The following DNAJB13 variants were observed in gnomAD, a reference collection of about 807,000 sequenced individuals.
The protein encoded by DNAJB13 is dnaJ homolog subfamily B member 13.
Under a neutral mutation model 35.6 loss-of-function variants are expected in DNAJB13, and 22 were observed. That is an observed-to-expected ratio of 0.62 (90% CI 0.44 to 0.88). The LOEUF (loss-of-function observed/expected upper bound fraction) is 0.88. Among genes scored for constraint, DNAJB13 ranks in the 40% least tolerant of loss-of-function variants. DNAJB13 has a pLI of 0.00. For missense variants in DNAJB13, 370 were observed against 384.3 expected (o/e 0.96, Z 0.31); for synonymous variants, 136 against 144.2 (o/e 0.94, Z 0.41).
At chr11:73,964,658 G>A (rs993813462) in intron 3 of DNAJB13, 5 of 563,098 alleles carry the variant, frequency 8.9e-6, no homozygotes, top group Non-Finnish European at 1.6e-5. Flanking sequence ...CACTGCATCT[G>A]CAGTTGAAGA....
chr11:73,953,910 C>G (rs1240888126), intron 1 of DNAJB13, among the ~76,000 whole-genome samples: 1 of 151,044 alleles, frequency 6.6e-6, no homozygotes, highest in Non-Finnish European at 1.5e-5. Context: ...ATGGCGTGAA[C>G]CCGGGAGGTG....
chr11:73,965,819 G>A (rs988899906), intron 4 of DNAJB13: 1 of 312,830 alleles, frequency 3.2e-6, no homozygotes, highest in Non-Finnish European at 6.1e-6. Context: ...CAGGGCTGGA[G>A]CTGTGTGTTT....
At chr11:73,955,307 CTT>C (rs570240877) in intron 1 of DNAJB13, among the ~76,000 whole-genome samples, 15,810 of 134,576 alleles carry the variant, frequency 0.12, 721 homozygotes, top group East Asian at 0.17. Context: ...AACCTTGTTA[CTT>C]TTTTTTTTTT....
At chr11:73,953,820 A>G (rs899325492) in intron 1 of DNAJB13, among the ~76,000 whole-genome samples, 4 of 151,650 alleles carry the variant, frequency 2.6e-5, no homozygotes, top group Non-Finnish European at 5.9e-5. Context: ...TAACACACTG[A>G]AACCCCGTCT....
At chr11:73,961,271 C>A (rs1287591564) in intron 3 of DNAJB13, among the ~76,000 whole-genome samples, 2 of 152,028 alleles carry the variant, frequency 1.3e-5, no homozygotes, top group Non-Finnish European at 2.9e-5. Context: ...CAGATTGAGA[C>A]CTTGTCTCAA....
rs1014946621 is a variant in DNAJB13 at position 73,960,778 on chromosome 11, AT to A, written c.334+1133del. ...AAATAGGGCCAAATTTTACACAATG[AT>A]TTTTTTTTTCACTTAATATATCTTG... On this transcript the variant is annotated intron_variant, in intron 3 of 7. Coordinates refer to ENST00000339764, the MANE Select transcript of DNAJB13 (RefSeq NM_153614.4). 4.3e-3 allele frequency among the ~76,000 whole-genome samples: 645 copies of A among 150,420 alleles called. 3 individuals carry two copies. Among genetic ancestry groups the A allele is most frequent in the African/African-American group, 0.011 (471 of 40,996 alleles).
intron 3 of DNAJB13, among the ~76,000 whole-genome samples, chr11:73,961,277 C>G (rs1950925665): frequency 6.6e-6 from 1 of 151,920 alleles, no homozygotes; most frequent in African/African-American, 2.4e-5. Flanking sequence ...GAGACCTTGT[C>G]TCAAAAAAAT....
chr11:73,959,757 T>C (rs1950874950), intron 3 of DNAJB13, 102 bp downstream of exon 3: 17 of 1,162,874 alleles, frequency 1.5e-5, no homozygotes, highest in Non-Finnish European at 1.8e-5. Context: ...TTTATTATTT[T>C]ATTTTATTTA....
intron 5 of DNAJB13, 34 bp from the exon 6 acceptor site, chr11:73,968,311 T>C: frequency 6.3e-7 from 1 of 1,598,696 alleles, no homozygotes; most frequent in Non-Finnish European, 8.6e-7. Flanking sequence ...CACGGCCAAC[T>C]AGTCCTTGTC....
In DNAJB13 at chr11:73,954,637, A is replaced by AT. The variant is rs1317421194; in HGVS notation, c.68+3500_68+3501insT. Among the ~76,000 whole-genome samples the AT allele has an allele frequency of 3.3e-3, 416 of 126,092 alleles. 3 individuals carry two copies. Among genetic ancestry groups the AT allele is most frequent in the African/African-American group, 0.011 (362 of 32,530 alleles). 82.7% of individuals were successfully genotyped at this position (126,092 alleles called of 152,430 possible). ...AGAGTGAGACTCCGTCTCAAAAAAA[A>AT]AAAATAAAATAAATAAATAAATAAA... is the stretch of plus-strand genomic sequence containing the variant. On this transcript the variant is annotated intron_variant, in intron 1 of 7. Transcript: ENST00000339764.
At chr11:73,965,873 A>G (rs763913289) in intron 4 of DNAJB13, 4 of 440,070 alleles carry the variant, frequency 9.1e-6, no homozygotes, top group Admixed American at 3.5e-5. Context: ...CCCCAGCCCC[A>G]GTCTCATGGC....
rs1950681631 is a variant in DNAJB13, at chr11:73,954,564, A to C, written c.68+3427A>C. Reference sequence around the variant, plus strand: ...AGAATGGCGTGAACCTGGGAGGCGGAATTTGCAGTGAGCCGAGATCGCGCC... The same window carrying C: ...AGAATGGCGTGAACCTGGGAGGCGGCATTTGCAGTGAGCCGAGATCGCGCC... On this transcript the variant is annotated intron_variant, in intron 1 of 7. Transcript: ENST00000339764. Among the ~76,000 whole-genome samples the C allele has an allele frequency of 1.3e-5, 2 of 150,826 alleles. 1 individual carries two copies. The highest frequency in any genetic ancestry group is 2.9e-5 in the Non-Finnish European group (2 of 67,804).
At position 73,967,566 on chromosome 11, in the gene DNAJB13, G is replaced by A. The variant is rs979151529; in HGVS notation, c.607-779G>A. Among the ~76,000 whole-genome samples the A allele has an allele frequency of 2.6e-5, 4 of 152,172 alleles. No individual in the cohort carries two copies. In the East Asian group the frequency reaches 5.8e-4, roughly 22 times the overall value. On this transcript the variant is annotated intron_variant, in intron 5 of 7. Transcript: ENST00000339764. ...TTGAGACCAGTCTGGGCAACATAGC[G>A]AGACCTTGTCTCTACTAAAAATAAA...
At chr11:73,952,725 A>C (rs771553825) in intron 1 of DNAJB13, among the ~76,000 whole-genome samples, 1 of 152,216 alleles carries the variant, frequency 6.6e-6, no homozygotes, top group Non-Finnish European at 1.5e-5. Context: ...AGCACAGCTT[A>C]AGCACTGGAA....
chr11:73,964,806 T>TGTGTGTGCGC (rs1554992045), intron 3 of DNAJB13, 72 bp from the exon 4 acceptor site: 3 of 729,960 alleles, frequency 4.1e-6, no homozygotes, highest in South Asian at 3.3e-5. Flanking sequence ...TGTGTGTGTG[T>TGTGTGTGCGC]GTGTGTGCGC....
chr11:73,957,720 C>T (rs1242388150), intron 1 of DNAJB13, among the ~76,000 whole-genome samples: 1 of 152,178 alleles, frequency 6.6e-6, no homozygotes, highest in African/African-American at 2.4e-5. Context: ...ACCGGACGGG[C>T]ACTGAGCGCC....
At chr11:73,960,326 C>T (rs1351469563) in intron 3 of DNAJB13, among the ~76,000 whole-genome samples, 1 of 152,076 alleles carries the variant, frequency 6.6e-6, no homozygotes, top group Admixed American at 6.6e-5. Context: ...TTACAGGCAC[C>T]CACCACCACA....
At chr11:73,964,790 T>C (rs1565175422) in intron 3 of DNAJB13, 88 bp from the exon 4 acceptor site, 8 of 881,594 alleles carry the variant, frequency 9.1e-6, no homozygotes, top group African/African-American at 7.0e-5. Flanking sequence ...TGTGTGTGTG[T>C]GTGTGTGTGT....
chr11:73,964,001 T>C (rs1951011125), intron 3 of DNAJB13: 1 of 152,256 alleles, frequency 6.6e-6, no homozygotes, highest in Admixed American at 6.5e-5. Context: ...TTGGGCTCCC[T>C]GGACCAATGA....
Sources: allele counts gnomAD v4.1 joint callset (sites outside exome capture counted in the v4.1 genomes callset), GRCh38; gene constraint gnomAD v4.1.1; transcripts MANE v1.5; gene names NCBI Gene and HGNC (gene_info 2026-07-23, HGNC 2026-07-21).